The following ADARB1 variants were observed in gnomAD, a reference collection of about 807,000 sequenced individuals.
ADARB1 encodes the protein double-stranded RNA-specific editase 1.
Under a neutral mutation model 52.4 loss-of-function variants are expected in ADARB1, and 10 were observed. That is an observed-to-expected ratio of 0.19 (90% CI 0.12 to 0.32). The LOEUF (loss-of-function observed/expected upper bound fraction) is 0.32, where lower values mean the gene tolerates loss of function less well. ADARB1 is among the 10% of genes least tolerant of loss of function. The probability of loss-of-function intolerance (pLI) is 1.00; values close to 1 mark genes in which losing one functional copy is unlikely to be tolerated. For synonymous variants in ADARB1, 349 were observed against 371.1 expected (o/e 0.94, Z 0.68); for missense variants, 643 against 922.3 (o/e 0.70, Z 3.92).
At chr21:45,101,445 ACTC>A (rs893527491) in intron 1 of ADARB1, among the ~76,000 whole-genome samples, 1 of 151,704 alleles carries the variant, frequency 6.6e-6, no homozygotes, top group African/African-American at 2.4e-5. Context: ...CGTGGGAAAA[ACTC>A]CTGAAGTGCG....
Position 45,082,891 on chromosome 21 carries a change from G to A in ADARB1, c.-220+8098G>A, listed in dbSNP as rs550578510. ...TGAGCCTGTACATGGAAGACATCAC[G>A]TCATTCTCCTGCTCAGAGTCCCCCT... On this transcript the variant is annotated intron_variant, in intron 1 of 10. Transcript: ENST00000348831. 8.3e-4 allele frequency among the ~76,000 whole-genome samples: 127 copies of A among 152,286 alleles called. 1 individual carries two copies. The highest frequency in any genetic ancestry group is 3.0e-3 in the African/African-American group (124 of 41,542).
At chr21:45,084,201 A>G (rs1232231658) in intron 1 of ADARB1, among the ~76,000 whole-genome samples, 2 of 152,220 alleles carry the variant, frequency 1.3e-5, no homozygotes, top group Non-Finnish European at 2.9e-5. Flanking sequence ...TTTCTGGAAG[A>G]CTATTGTAAG....
Position 45,175,794 on chromosome 21 carries a change from C to T in ADARB1, c.93C>T (p.Ser31=), listed in dbSNP as rs370431644. 1.2e-6 allele frequency: 2 copies of T among 1,614,206 alleles called. No individual in the cohort carries two copies. Residue 31 remains serine (S), a synonymous_variant, in exon 4 of 11, where the codon AGC becomes AGT. Transcript: ENST00000348831. The part of the protein sequence containing the change: ...NLDNVSPKDG[S]TPGPGEGSQL... Reference sequence around the variant, plus strand: ...ACAACGTGTCCCCCAAGGATGGCAGCACACCTGGGCCTGGCGAGGGCTCTC... The same window carrying T: ...ACAACGTGTCCCCCAAGGATGGCAGTACACCTGGGCCTGGCGAGGGCTCTC...
chr21:45,110,137 T>C (rs1292407409), intron 1 of ADARB1, among the ~76,000 whole-genome samples: 1 of 152,186 alleles, frequency 6.6e-6, no homozygotes, highest in Non-Finnish European at 1.5e-5. Flanking sequence ...TTACTTGACC[T>C]TTTCACTTCC....
At chr21:45,113,678 C>G (rs2087672375) in intron 1 of ADARB1, among the ~76,000 whole-genome samples, 2 of 152,028 alleles carry the variant, frequency 1.3e-5, no homozygotes, top group Non-Finnish European at 2.9e-5. Flanking sequence ...TGGCCGAGCT[C>G]TCTGATACTT....
At chr21:45,193,522 A>T (rs2092352989) in intron 8 of ADARB1, among the ~76,000 whole-genome samples, 1 of 152,208 alleles carries the variant, frequency 6.6e-6, no homozygotes, top group Admixed American at 6.5e-5. Flanking sequence ...TCAACATTGT[A>T]TTGGAAGTTC....
Position 45,182,566 on chromosome 21 carries a change from CTCT to C in ADARB1, c.1079-17_1079-15del. 1 of 1,559,116 alleles carries C rather than the reference CTCT, an allele frequency of 6.4e-7. No individual in the cohort carries two copies. On this transcript the variant is annotated splice_polypyrimidine_tract_variant and intron_variant, in intron 5 of 10. Coordinates refer to ENST00000348831, the MANE Select transcript of ADARB1 (RefSeq NM_001112.4). ...TACTGTGAATTACAGAAAATAGTGT[CTCT>C]TTTTTTTTTTTTCAGGCACAGATGT... is the stretch of plus-strand genomic sequence containing the variant.
At chr21:45,122,334 G>C (rs917354446) in intron 1 of ADARB1, among the ~76,000 whole-genome samples, 1 of 152,232 alleles carries the variant, frequency 6.6e-6, no homozygotes, top group Non-Finnish European at 1.5e-5. Flanking sequence ...CAAGTGCTGT[G>C]AATGATAAAT....
intron 8 of ADARB1, among the ~76,000 whole-genome samples, chr21:45,198,297 C>T (rs1201857126): frequency 1.3e-5 from 2 of 152,062 alleles, no homozygotes; most frequent in Non-Finnish European, 2.9e-5. Context: ...GAAGGCACTA[C>T]CAAAACGTAT....
At chr21:45,134,625 A>G (rs1461828698) in intron 2 of ADARB1, 1 of 400,628 alleles carries the variant, frequency 2.5e-6, no homozygotes, top group African/African-American at 2.1e-5. Flanking sequence ...TAGTACATGA[A>G]GAATCCTACA....
intron 1 of ADARB1, among the ~76,000 whole-genome samples, chr21:45,090,673 C>G (rs2086527216): frequency 6.6e-6 from 1 of 152,178 alleles, no homozygotes; most frequent in Non-Finnish European, 1.5e-5. Flanking sequence ...TGGGATCAAC[C>G]CGGAGGCTTC....
rs535241936 is a variant in ADARB1, at chr21:45,148,694, T to C, written c.-48+20121T>C. On this transcript the variant is annotated intron_variant, in intron 2 of 10. Transcript: ENST00000348831. Reference sequence around the variant, plus strand: ...GCAGAGCTGAAATCCTGGCTGCTCATGGGCATCACAGATGCATTCGCCAGC... The same window carrying C: ...GCAGAGCTGAAATCCTGGCTGCTCACGGGCATCACAGATGCATTCGCCAGC... 3.3e-5 allele frequency among the ~76,000 whole-genome samples: 5 copies of C among 152,310 alleles called. No individual in the cohort carries two copies. The South Asian group carries it at 1.0e-3, about 32-fold the overall frequency.
At chr21:45,197,500 A>C (rs1446604052) in intron 8 of ADARB1, among the ~76,000 whole-genome samples, 2 of 98,492 alleles carry the variant, frequency 2.0e-5, no homozygotes, top group East Asian at 5.6e-4. Flanking sequence ...ACTCTGTCTC[A>C]AAAAAAAAAA....
intron 2 of ADARB1, among the ~76,000 whole-genome samples, chr21:45,129,617 AGCCG>A: frequency 6.6e-6 from 1 of 152,232 alleles, no homozygotes; most frequent in South Asian, 2.1e-4. Flanking sequence ...CACTGGACAC[AGCCG>A]TGCTCCCGCC....
At chr21:45,078,812 C>T (rs1465561930) in intron 1 of ADARB1, among the ~76,000 whole-genome samples, 1 of 152,216 alleles carries the variant, frequency 6.6e-6, no homozygotes, top group Admixed American at 6.5e-5. Context: ...ACCACTCTGG[C>T]TGTTGGGCTT....
chr21:45,180,405 G>A lies in ADARB1; in HGVS notation c.1039G>A (p.Ala347Thr), dbSNP rs1406311669. The A allele has an allele frequency of 5.6e-6, 9 of 1,614,114 alleles. No homozygotes were observed. The highest frequency in any genetic ancestry group is 1.7e-5 in the Admixed American group (1 of 60,014). ...GACCGACAACTTCTCCTCCCCTCAC[G>A]CTCGCAGAAAAGTGCTGGCTGGAGT... ...DLTDNFSSPH[A>T]RRKVLAGVVM... Residue 347 changes from alanine to threonine, a missense_variant, in exon 5 of 11, where the codon GCT becomes ACT. By Grantham distance (58) the Ala-to-Thr change is moderately conservative. Transcript: ENST00000348831.
intron 1 of ADARB1, among the ~76,000 whole-genome samples, chr21:45,081,393 A>G (rs888202805): frequency 2.0e-5 from 3 of 152,202 alleles, no homozygotes; most frequent in African/African-American, 7.2e-5. Context: ...CACTTTTGGC[A>G]TAGCATTCAA....
At chr21:45,089,559 TCA>T (rs2086482211) in intron 1 of ADARB1, among the ~76,000 whole-genome samples, 1 of 152,192 alleles carries the variant, frequency 6.6e-6, no homozygotes, top group African/African-American at 2.4e-5. Flanking sequence ...ACTACAATAC[TCA>T]TATTTTTCTT....
At chr21:45,124,787 ATGTGTG>A (rs56113860) in intron 1 of ADARB1, among the ~76,000 whole-genome samples, 4 of 135,706 alleles carry the variant, frequency 2.9e-5, no homozygotes, top group Non-Finnish European at 4.9e-5. Context: ...GTGTGTGTGT[ATGTGTG>A]TGTGTGTGTG....
Sources: gnomAD v4.1 joint callset for allele counts (sites outside exome capture counted in the v4.1 genomes callset) on GRCh38, gnomAD v4.1.1 for gene constraint, MANE v1.5 for transcripts, NCBI Gene and HGNC (gene_info 2026-07-23, HGNC 2026-07-21) for gene names.